QRICH2: variants seen among roughly 807,000 people sequenced by gnomAD.
The protein encoded by QRICH2 is glutamine rich 2.
QRICH2 carries 119 observed loss-of-function variants against 168.3 expected under a neutral mutation model. The ratio of observed to expected loss-of-function variants is 0.71; its 90% CI spans 0.61 to 0.82. The LOEUF is 0.82. Ranked by LOEUF, QRICH2 falls within the 40% of genes least tolerant of loss-of-function variation. The probability of loss-of-function intolerance (pLI) is 0.00; values close to 1 mark genes in which losing one functional copy is unlikely to be tolerated. For synonymous variants in QRICH2, 894 were observed against 951.2 expected (o/e 0.94, Z 1.11); for missense variants, 2,241 against 2,491.6 (o/e 0.90, Z 2.14).
intron 7 of QRICH2, among the ~76,000 whole-genome samples, chr17:76,282,678 G>T (rs1477399596): frequency 6.6e-6 from 1 of 152,168 alleles, no homozygotes; most frequent in Non-Finnish European, 1.5e-5. Context: ...TGCCTTGAAG[G>T]CTGCCCTGGT....
chr17:76,280,593 CAAA>C lies in QRICH2; in HGVS notation c.4461+58_4461+60del. 6.2e-7 allele frequency: 1 copy of C among 1,607,794 alleles called. No individual in the cohort carries two copies. The highest frequency in any genetic ancestry group is 8.5e-7 in the Non-Finnish European group (1 of 1,174,622). On this transcript the variant is annotated intron_variant, in intron 10 of 18. Transcript: ENST00000680821. This position sits in a 1 kb window ranked among gnomAD's most constrained non-coding sequence, Gnocchi z 7.4. ...GCCAGCTCCCCTCCACTCAGTCTCT[CAAA>C]GAACAGTCAGCGAGACCGCCCTGGG...
chr17:76,304,426 C>A lies in QRICH2; in HGVS notation c.694G>T (p.Ala232Ser), dbSNP rs1335090831. Residue 232 changes from alanine to serine, a missense_variant, in exon 3 of 19, where the codon GCC (alanine) becomes TCC (serine). By Grantham distance (99) the Ala-to-Ser change is moderately conservative (BLOSUM62 1). Coordinates refer to ENST00000680821, the MANE Select transcript of QRICH2 (RefSeq NM_001388453.1). ...CCCCACTGGTTCACCGCTTGTGAGG[C>A]TCTCCAGCCGTCCGTAATCGCCTGC... is the stretch of plus-strand genomic sequence containing the variant. Reference protein sequence around the residue: ...LEQAITDGWRASQAGSETLMG... With the variant: ...LEQAITDGWRSSQAGSETLMG... 2 of 1,612,220 alleles carry A rather than the reference C, an allele frequency of 1.2e-6. No homozygotes were observed. Among genetic ancestry groups the A allele is most frequent in the African/African-American group, 1.3e-5 (1 of 74,918 alleles).
At chr17:76,300,158 A>G (rs1370537304) in intron 3 of QRICH2, among the ~76,000 whole-genome samples, 1 of 152,040 alleles carries the variant, frequency 6.6e-6, no homozygotes, top group African/African-American at 2.4e-5. Flanking sequence ...ACATGCCACT[A>G]TCGTACTGTT....
rs868771370 is a variant in QRICH2, at chr17:76,293,666, C to G, written c.1061G>C (p.Arg354Thr). 1 of 1,614,188 alleles carries G rather than the reference C, an allele frequency of 6.2e-7. No homozygotes were observed. The highest frequency in any genetic ancestry group is 1.3e-5 in the African/African-American group (1 of 75,052). The change falls in exon 4 of 19, where the codon AGA becomes ACA. Residue 354 changes from arginine (R) to threonine (T), a missense_variant. Transcript: ENST00000680821. Reference protein sequence around the residue: ...SREKLTSTQPRRNARPGPVQQ... With the variant: ...SREKLTSTQPTRNARPGPVQQ... The stretch of plus-strand genomic sequence containing the variant: ...AACTGGACCAGGACGTGCATTTCTT[C>G]TTGGTTGTGTCGAGGTAAGCTTCTC...
At chr17:76,276,088 G>C (rs1318036280) in intron 17 of QRICH2, 141 bp from the exon 18 acceptor site, 14 of 1,031,672 alleles carry the variant, frequency 1.4e-5, no homozygotes, top group Non-Finnish European at 1.8e-5. Flanking sequence ...TTCTGAATTT[G>C]TGGCTATGCC....
chr17:76,304,549 C>T, intron 2 of QRICH2, 24 bp from the exon 3 acceptor site: 1 of 1,501,802 alleles, frequency 6.7e-7, no homozygotes, highest in Non-Finnish European at 9.2e-7. Flanking sequence ...AAAAGACACA[C>T]ACATACACCC....
At chr17:76,285,927 C>T (rs904190997) in intron 7 of QRICH2, among the ~76,000 whole-genome samples, 2 of 152,054 alleles carry the variant, frequency 1.3e-5, no homozygotes, top group Non-Finnish European at 2.9e-5. Context: ...AATCCCAGCA[C>T]TTTGGGAGGC....
At chr17:76,285,208 T>G (rs2070860454) in intron 7 of QRICH2, among the ~76,000 whole-genome samples, 1 of 152,012 alleles carries the variant, frequency 6.6e-6, no homozygotes. Context: ...CTCAGCTCAC[T>G]GCAACCTCTG....
rs2071040416 is a variant in QRICH2, at chr17:76,293,041, T to C, written c.1686A>G (p.Gln562=). The stretch of plus-strand genomic sequence containing the variant: ...TCAAATCATGCTGCTCTGTGCCAGG[T>C]TGTATGAAGCCAGTTGCTTCCAAAC... ...QPSLEATGFI[Q]PGTEQHDLIQ... Residue 562 remains glutamine (Q), a synonymous_variant, in exon 4 of 19, where the codon CAA becomes CAG. Coordinates refer to ENST00000680821, the MANE Select transcript of QRICH2 (RefSeq NM_001388453.1). 5 of 1,614,056 alleles carry C rather than the reference T, an allele frequency of 3.1e-6. No homozygotes were observed. Among genetic ancestry groups the C allele is most frequent in the African/African-American group, 1.3e-5 (1 of 74,926 alleles).
chr17:76,290,063 G>A lies in QRICH2; in HGVS notation c.3727C>T (p.Pro1243Ser). The A allele has an allele frequency of 6.2e-7, 1 of 1,611,974 alleles. No homozygotes were observed. Among genetic ancestry groups the A allele is most frequent in the South Asian group, 1.1e-5 (1 of 91,026 alleles). Residue 1243 changes from proline to serine, a missense_variant, in exon 5 of 19, where the codon CCT (proline) becomes TCT (serine). Around this residue, in one of 3 missense-constraint regions of QRICH2, gnomAD observed 2,047 missense variants for 2,303.8 expected, o/e 0.89. Coordinates refer to ENST00000680821, the MANE Select transcript of QRICH2 (RefSeq NM_001388453.1). ...TTCAGCTGCTCCTGCAGTTCAGGAG[G>A]TATGGTCCTTTTGACTATGGAAAGC... is the stretch of plus-strand genomic sequence containing the variant. Reference protein sequence around the residue: ...LLAQMVKRTIPPELQEQLKTV... With the variant: ...LLAQMVKRTISPELQEQLKTV...
In QRICH2 at chr17:76,307,875, C is replaced by T. The variant is rs2071015831; in HGVS notation, c.124G>A (p.Asp42Asn). 1.6e-6 allele frequency: 2 copies of T among 1,273,776 alleles called. No individual in the cohort carries two copies. Among genetic ancestry groups the T allele is most frequent in the Non-Finnish European group, 9.9e-7 (1 of 1,012,064 alleles). 78.9% of individuals were successfully genotyped at this position (1,273,776 alleles called of 1,614,324 possible). The change falls in exon 1 of 19, where the codon GAC becomes AAC. Residue 42 changes from aspartate to asparagine, a missense_variant. Asp to Asn is a conservative substitution (Grantham distance 23, BLOSUM62 1). Around this residue, in one of 3 missense-constraint regions of QRICH2, gnomAD observed 2,047 missense variants for 2,303.8 expected, o/e 0.89. Transcript: ENST00000680821. This position sits in a 1 kb window ranked among gnomAD's most constrained non-coding sequence, Gnocchi z 5.3. ...AAGTCGATCCGGGTATTTTGGAGGTCGAGGTTCTTGAGCATGGCCACGATG... is the reference window on the plus strand; with the variant it reads ...AAGTCGATCCGGGTATTTTGGAGGTTGAGGTTCTTGAGCATGGCCACGATG... ...TLIVAMLKNLDLQNTRIDFQP... is the reference protein window; with the variant it reads ...TLIVAMLKNLNLQNTRIDFQP...
At chr17:76,287,088 AT>A in intron 7 of QRICH2, 103 bp downstream of exon 7, 3 of 331,962 alleles carry the variant, frequency 9.0e-6, no homozygotes, top group Admixed American at 3.7e-5. Context: ...ACACACACAC[AT>A]GATGGGAGGG....
rs1418830153 is a variant in QRICH2, at chr17:76,281,479, AC to A, written c.4263+384del. 6.6e-6 allele frequency among the ~76,000 whole-genome samples: 1 copy of A among 152,044 alleles called. No homozygotes were observed. The highest frequency in any genetic ancestry group is 1.5e-5 in the Non-Finnish European group (1 of 67,994). On this transcript the variant is annotated intron_variant, in intron 8 of 18. Coordinates refer to ENST00000680821, the MANE Select transcript of QRICH2 (RefSeq NM_001388453.1). The surrounding 1 kb of genome is among the most constrained non-coding windows in gnomAD (Gnocchi z 4.4). ...AGGATTTGTGGCTGTGCCCGCCCCC[AC>A]CAGCAAGCCTGCCCTTTCTAGGGAA...
In QRICH2 at chr17:76,291,144, C is replaced by G; in HGVS notation, c.3583G>C (p.Glu1195Gln). Residue 1195 changes from glutamate (E) to glutamine (Q), a missense_variant, in exon 4 of 19, where the codon GAG becomes CAG. This residue lies in a region of QRICH2 where 2,047 missense variants were observed against 2,303.8 expected (regional missense o/e 0.89). Transcript: ENST00000680821. ...AGCTCTCCCATCAGATGAAATGTCT[C>G]CACTGCCGTGGGGAAACTAGAACTC... Reference protein sequence around the residue: ...RMSSSFPTAVETFHLMGELSS... With the variant: ...RMSSSFPTAVQTFHLMGELSS... The G allele has an allele frequency of 2.5e-6, 4 of 1,614,176 alleles. No individual in the cohort carries two copies. Among genetic ancestry groups the G allele is most frequent in the Non-Finnish European group, 2.5e-6 (3 of 1,180,044 alleles).
At chr17:76,284,361 A>G (rs1375989583) in intron 7 of QRICH2, among the ~76,000 whole-genome samples, 4 of 142,254 alleles carry the variant, frequency 2.8e-5, no homozygotes, top group Non-Finnish European at 5.9e-5. Context: ...CAAGAAAATG[A>G]AAAGATGACC....
chr17:76,289,683 A>G (rs2070952675), intron 5 of QRICH2, among the ~76,000 whole-genome samples: 1 of 150,448 alleles, frequency 6.6e-6, no homozygotes, highest in Non-Finnish European at 1.5e-5. Flanking sequence ...CACGCCTGTA[A>G]TCCCAGCACT....
chr17:76,290,889 G>T, intron 4 of QRICH2, 126 bp downstream of exon 4: 1 of 1,413,730 alleles, frequency 7.1e-7, no homozygotes, highest in Non-Finnish European at 9.5e-7. Flanking sequence ...TGCTCTGAAT[G>T]ACATGCTGTT....
chr17:76,303,535 T>C (rs777164689), intron 3 of QRICH2, among the ~76,000 whole-genome samples: 9 of 152,088 alleles, frequency 5.9e-5, no homozygotes, highest in Non-Finnish European at 1.3e-4. Flanking sequence ...TGGTCATCTG[T>C]ACACTGTCTC....
intron 18 of QRICH2, among the ~76,000 whole-genome samples, chr17:76,274,945 G>A (rs1312277649): frequency 1.3e-5 from 2 of 152,188 alleles, no homozygotes; most frequent in East Asian, 3.8e-4. Context: ...TACCTGGTCT[G>A]TGGGGGGCCC....
Sources: gnomAD v4.1 joint callset for allele counts (sites outside exome capture counted in the v4.1 genomes callset) on GRCh38, gnomAD v4.1.1 for gene constraint, gnomAD v4.1.1 regional missense constraint, Gnocchi (gnomAD v3.1) non-coding constraint, MANE v1.5 for transcripts, NCBI Gene and HGNC (gene_info 2026-07-23, HGNC 2026-07-21) for gene names.